Variants in CTDSPL2 observed in about 807,000 individuals in gnomAD.
The protein encoded by CTDSPL2 is CTD small phosphatase-like protein 2.
A neutral mutation model predicts 60.0 loss-of-function variants in CTDSPL2; 5 were observed. That is an observed-to-expected ratio of 0.08 (90% CI 0.04 to 0.18). The LOEUF is 0.18. CTDSPL2 is among the 10% of genes least tolerant of loss of function. The probability of loss-of-function intolerance (pLI) is 1.00; values close to 1 mark genes in which losing one functional copy is unlikely to be tolerated. For synonymous variants in CTDSPL2, 186 were observed against 189.3 expected, an observed-to-expected ratio of 0.98 and a Z score of 0.14; for missense variants, 370 against 548.8, an observed-to-expected ratio of 0.67 and a Z score of 3.26.
At chr15:44,477,594 T>G (rs2080944092) in intron 2 of CTDSPL2, among the ~76,000 whole-genome samples, 1 of 151,954 alleles carries the variant, frequency 6.6e-6, no homozygotes, top group South Asian at 2.1e-4. Flanking sequence ...CCCACCACTT[T>G]GGGAGGCCAA....
chr15:44,514,722 T>G (rs762298289), intron 9 of CTDSPL2, 43 bp from the exon 10 acceptor site: 164 of 1,525,900 alleles, frequency 1.1e-4, no homozygotes, highest in Non-Finnish European at 1.5e-4. Context: ...TACCCATATT[T>G]AGACCATGTA....
At chr15:44,491,535 G>A (rs2081214123) in intron 5 of CTDSPL2, among the ~76,000 whole-genome samples, 1 of 152,138 alleles carries the variant, frequency 6.6e-6, no homozygotes, top group Non-Finnish European at 1.5e-5. Context: ...TATGGATCAG[G>A]AATTTCATTA....
chr15:44,470,865 T>A (rs1000437920), intron 2 of CTDSPL2, among the ~76,000 whole-genome samples: 7 of 152,192 alleles, frequency 4.6e-5, no homozygotes, highest in African/African-American at 1.4e-4. Context: ...TCTTTTCCTT[T>A]CCTGTCATTT....
At chr15:44,519,781 T>G (rs564890163) in intron 11 of CTDSPL2, 1 of 153,246 alleles carries the variant, frequency 6.5e-6, no homozygotes, top group Non-Finnish European at 1.5e-5. Flanking sequence ...TTTGTTTTTG[T>G]TTTTTGAGAA....
At position 44,499,851 on chromosome 15, in the gene CTDSPL2, G is replaced by A. The variant is rs1357755818; in HGVS notation, c.969+38G>A. ...TTTTTGATGATTTTTGGCCTGATAG[G>A]TAACATTCTGATAAAAAAAACTTTT... On this transcript the variant is annotated intron_variant, in intron 8 of 12. Coordinates refer to ENST00000260327, the MANE Select transcript of CTDSPL2 (RefSeq NM_016396.3). 4 of 1,156,702 alleles carry A rather than the reference G, an allele frequency of 3.5e-6. No homozygotes were observed. In the Admixed American group the frequency reaches 5.6e-5, roughly 16 times the overall value. 71.7% of individuals were successfully genotyped at this position (1,156,702 alleles called of 1,614,324 possible). A position where few individuals can be genotyped will look rare whatever the true frequency, so the allele number is the denominator to read the frequency against.
Position 44,427,817 on chromosome 15 carries a change from C to A in CTDSPL2, c.-25+45C>A, listed in dbSNP as rs1481918898. On this transcript the variant is annotated intron_variant, in intron 1 of 12. Coordinates refer to ENST00000260327, the MANE Select transcript of CTDSPL2 (RefSeq NM_016396.3). ...CGCCGCCGCTGCTTCCAATCTCAGTCCTCCTCCTCTTCCAGGGCCGTCTGC... is the reference window on the plus strand; with the variant it reads ...CGCCGCCGCTGCTTCCAATCTCAGTACTCCTCCTCTTCCAGGGCCGTCTGC... 1.8e-5 allele frequency: 7 copies of A among 397,750 alleles called. 1 individual carries two copies. The highest frequency in any genetic ancestry group is 1.3e-5 in the Non-Finnish European group (3 of 225,750). The allele number at this position is 397,750 out of a possible 1,614,324, so 24.6% of individuals were successfully genotyped here.
At chr15:44,474,183 ACTTTCTTGGGGC>A (rs2080865946) in intron 2 of CTDSPL2, among the ~76,000 whole-genome samples, 1 of 152,100 alleles carries the variant, frequency 6.6e-6, no homozygotes, top group Non-Finnish European at 1.5e-5. Context: ...TTCATCAAGA[ACTTTCTTGGGGC>A]CAGGTGCGGT....
chr15:44,501,386 G>C (rs2081378994), intron 8 of CTDSPL2, among the ~76,000 whole-genome samples: 1 of 151,968 alleles, frequency 6.6e-6, no homozygotes, highest in Non-Finnish European at 1.5e-5. Flanking sequence ...AACTTAAGTA[G>C]GTAAATTTGA....
chr15:44,481,749 T>C (rs1003859552), intron 2 of CTDSPL2, among the ~76,000 whole-genome samples: 1 of 152,258 alleles, frequency 6.6e-6, no homozygotes, highest in African/African-American at 2.4e-5. Flanking sequence ...AATTTTGTAT[T>C]TTTAGTAGAG....
intron 10 of CTDSPL2, 35 bp from the exon 11 acceptor site, chr15:44,519,131 GTTT>G: frequency 2.8e-6 from 3 of 1,073,798 alleles, no homozygotes; most frequent in Non-Finnish European, 3.7e-6. Context: ...TTTTTAGAAA[GTTT>G]TTTTTTTTTA....
At chr15:44,449,865 C>T (rs961879941) in intron 1 of CTDSPL2, among the ~76,000 whole-genome samples, 1 of 151,996 alleles carries the variant, frequency 6.6e-6, no homozygotes, top group Non-Finnish European at 1.5e-5. Context: ...GTGGTACATG[C>T]CTCTAATCCC....
intron 12 of CTDSPL2, among the ~76,000 whole-genome samples, chr15:44,522,860 TTCTA>T (rs1704524477): frequency 4.6e-5 from 7 of 152,250 alleles, no homozygotes. Flanking sequence ...GGAATTCTAT[TTCTA>T]TATCACATGG....
At chr15:44,517,039 C>G (rs1320401144) in intron 10 of CTDSPL2, 1 of 151,658 alleles carries the variant, frequency 6.6e-6, no homozygotes, top group East Asian at 2.0e-4. Context: ...GGGGTTTCAT[C>G]ATGTTGGTCA....
intron 1 of CTDSPL2, among the ~76,000 whole-genome samples, chr15:44,441,769 G>A (rs546932681): frequency 1.3e-5 from 2 of 152,090 alleles, no homozygotes; most frequent in African/African-American, 4.8e-5. Flanking sequence ...TGTTAGGCTG[G>A]TGGTGGCATT....
chr15:44,460,734 T>C (rs2080549134), intron 2 of CTDSPL2, among the ~76,000 whole-genome samples: 1 of 152,176 alleles, frequency 6.6e-6, no homozygotes, highest in Non-Finnish European at 1.5e-5. Context: ...TCTAATACTA[T>C]AATTTCTTTG....
At chr15:44,518,487 T>G (rs769088406) in intron 10 of CTDSPL2, among the ~76,000 whole-genome samples, 1 of 152,242 alleles carries the variant, frequency 6.6e-6, no homozygotes, top group Non-Finnish European at 1.5e-5. Context: ...TTTTTTCAAA[T>G]GATCATACAC....
At chr15:44,477,218 G>T (rs930546122) in intron 2 of CTDSPL2, among the ~76,000 whole-genome samples, 2 of 152,124 alleles carry the variant, frequency 1.3e-5, no homozygotes, top group African/African-American at 4.8e-5. Flanking sequence ...GACAGAGCAA[G>T]ACCCTGTCTT....
chr15:44,513,959 T>C (rs1186029182), intron 8 of CTDSPL2, among the ~76,000 whole-genome samples: 3 of 152,184 alleles, frequency 2.0e-5, no homozygotes, highest in Non-Finnish European at 1.5e-5. Flanking sequence ...CCAGTAGGTT[T>C]TGAGAACTGT....
intron 1 of CTDSPL2, among the ~76,000 whole-genome samples, chr15:44,433,975 A>G (rs948976493): frequency 5.9e-5 from 9 of 151,378 alleles, no homozygotes; most frequent in African/African-American, 1.9e-4. Context: ...AAATCAGTGT[A>G]TATTTTAAGA....
Sources: gnomAD v4.1 joint callset for allele counts (sites outside exome capture counted in the v4.1 genomes callset) on GRCh38, gnomAD v4.1.1 for gene constraint, MANE v1.5 for transcripts, NCBI Gene and HGNC (gene_info 2026-07-23, HGNC 2026-07-21) for gene names.